Variants in MCPH1 observed in about 807,000 individuals in gnomAD.
The protein encoded by MCPH1 is microcephalin.
A neutral mutation model predicts 84.5 loss-of-function variants in MCPH1; 104 were observed. That is an observed-to-expected ratio of 1.23 (90% CI 1.05 to 1.45). MCPH1 has a LOEUF of 1.45. MCPH1 is among the 40% of genes most tolerant of loss of function. The pLI is 0.00. For missense variants in MCPH1, 1,498 were observed against 1,005.7 expected (o/e 1.49, Z -6.62); for synonymous variants, 514 against 366.8 (o/e 1.40, Z -4.58).
intron 9 of MCPH1, among the ~76,000 whole-genome samples, chr8:6,459,506 C>G (rs1034806015): frequency 6.6e-6 from 1 of 152,094 alleles, no homozygotes; most frequent in Non-Finnish European, 1.5e-5. Flanking sequence ...CTAAAGAAAA[C>G]AAAATCTTGT....
chr8:6,522,885 ATCT>A (rs1817634178), intron 12 of MCPH1, among the ~76,000 whole-genome samples: 1 of 152,188 alleles, frequency 6.6e-6, no homozygotes, highest in Admixed American at 6.5e-5. Flanking sequence ...TGACTCTGAA[ATCT>A]GCTTCTCTCC....
At chr8:6,633,762 G>A (rs933707603) in intron 13 of MCPH1, among the ~76,000 whole-genome samples, 29 of 152,124 alleles carry the variant, frequency 1.9e-4, no homozygotes, top group African/African-American at 6.3e-4. Flanking sequence ...GATACCTCAC[G>A]TGGGGCCGAG....
chr8:6,434,341 A>G (rs572098734), intron 4 of MCPH1, among the ~76,000 whole-genome samples: 1 of 152,288 alleles, frequency 6.6e-6, no homozygotes, highest in African/African-American at 2.4e-5. Flanking sequence ...GCCTCCAGGC[A>G]AATCCTTCAT....
chr8:6,546,184 C>T (rs1822545516), intron 12 of MCPH1, among the ~76,000 whole-genome samples: 1 of 152,186 alleles, frequency 6.6e-6, no homozygotes, highest in South Asian at 2.1e-4. Context: ...AGCACAATTC[C>T]CAAACTGTGT....
intron 11 of MCPH1, among the ~76,000 whole-genome samples, chr8:6,486,048 A>C (rs1809868409): frequency 6.6e-6 from 1 of 152,212 alleles, no homozygotes; most frequent in Admixed American, 6.5e-5. Flanking sequence ...AAATAAATTG[A>C]ATAGTACAAA....
At chr8:6,619,364 C>T (rs776294682) in intron 12 of MCPH1, among the ~76,000 whole-genome samples, 2 of 152,360 alleles carry the variant, frequency 1.3e-5, no homozygotes, top group South Asian at 2.1e-4. Flanking sequence ...CATCTCTGCT[C>T]ACTGCCACCT....
At chr8:6,511,949 G>T (rs1466677135) in intron 12 of MCPH1, among the ~76,000 whole-genome samples, 2 of 147,232 alleles carry the variant, frequency 1.4e-5, no homozygotes, top group African/African-American at 5.0e-5. Context: ...ACTGTTGCCA[G>T]TTGAAAAAAT....
At position 6,444,480 on chromosome 8, in the gene MCPH1, G is replaced by C; in HGVS notation, c.758G>C (p.Gly253Ala). Reference protein sequence around the residue: ...GCGNQERKLEGSINDIKSDVC... With the variant: ...GCGNQERKLEASINDIKSDVC... ...GGAAATCAGGAAAGGAAGTTGGAAG[G>C]ATCCATTAATGACATTAAAAGTGAT... Residue 253 changes from glycine (G) to alanine (A), a missense_variant, in exon 8 of 14, where the codon GGA (glycine) becomes GCA (alanine). Physicochemically the swap from Gly to Ala is moderately conservative, Grantham distance 60. Transcript: ENST00000344683. The C allele has an allele frequency of 1.9e-6, 3 of 1,614,144 alleles. No homozygotes were observed. The highest frequency in any genetic ancestry group is 8.5e-7 in the Non-Finnish European group (1 of 1,180,020).
intron 12 of MCPH1, among the ~76,000 whole-genome samples, chr8:6,553,784 G>C (rs1032016662): frequency 6.6e-6 from 1 of 152,062 alleles, no homozygotes; most frequent in Non-Finnish European, 1.5e-5. Context: ...GACTTCTTGA[G>C]CAGAAAAGCG....
intron 12 of MCPH1, among the ~76,000 whole-genome samples, chr8:6,611,130 T>TCACA (rs138053875): frequency 0.019 from 2,861 of 149,820 alleles, 34 homozygotes; most frequent in Middle Eastern, 0.049. Flanking sequence ...ACACACACAC[T>TCACA]CACACACACA....
In MCPH1 at chr8:6,445,421, A is replaced by C; in HGVS notation, c.1699A>C (p.Thr567Pro). Reference sequence around the variant, plus strand: ...GAAAAGCACACAGAACAAAGGTACCACTTCCAAAATATCAAACTCCTCTGA... The same window carrying C: ...GAAAAGCACACAGAACAAAGGTACCCCTTCCAAAATATCAAACTCCTCTGA... Reference protein sequence around the residue: ...GLKSTQNKGTTSKISNSSEGE... With the variant: ...GLKSTQNKGTPSKISNSSEGE... The change falls in exon 8 of 14, where the codon ACT becomes CCT. Residue 567 changes from threonine to proline, a missense_variant. Transcript: ENST00000344683. The C allele has an allele frequency of 6.2e-7, 1 of 1,614,256 alleles. No homozygotes were observed. The highest frequency in any genetic ancestry group is 8.5e-7 in the Non-Finnish European group (1 of 1,180,046).
At chr8:6,538,650 T>C (rs1294629346) in intron 12 of MCPH1, among the ~76,000 whole-genome samples, 1 of 152,162 alleles carries the variant, frequency 6.6e-6, no homozygotes, top group African/African-American at 2.4e-5. Flanking sequence ...CCATCCCCCA[T>C]TGCATGCCCT....
chr8:6,552,035 C>G (rs374194801), intron 12 of MCPH1, among the ~76,000 whole-genome samples: 2 of 152,108 alleles, frequency 1.3e-5, no homozygotes, highest in African/African-American at 4.8e-5. Context: ...TCTGTTGATT[C>G]CAGAAATTAT....
At position 6,643,513 on chromosome 8, in the gene MCPH1, G is replaced by C. The variant is rs941359357; in HGVS notation, c.*464G>C. On this transcript the variant is annotated 3_prime_UTR_variant, in exon 14 of 14. Coordinates refer to ENST00000344683, the MANE Select transcript of MCPH1 (RefSeq NM_024596.5). ...CGCCTGAGCTCAGGTGATCTGTCAG[G>C]CCTCTTCTATAGAATTCCAGTCTTT... 2.0e-5 allele frequency: 4 copies of C among 201,014 alleles called. No homozygotes were observed. The highest frequency in any genetic ancestry group is 4.7e-5 in the African/African-American group (2 of 42,378). 12.5% of individuals were successfully genotyped at this position (201,014 alleles called of 1,614,324 possible).
At chr8:6,623,910 C>T (rs1019576064) in intron 13 of MCPH1, among the ~76,000 whole-genome samples, 4 of 152,150 alleles carry the variant, frequency 2.6e-5, no homozygotes, top group South Asian at 4.1e-4. Context: ...GGCCAGCTGA[C>T]GGAACTGTGC....
intron 1 of MCPH1, among the ~76,000 whole-genome samples, chr8:6,407,907 A>T (rs1241382625): frequency 1.3e-5 from 2 of 152,220 alleles, no homozygotes; most frequent in African/African-American, 2.4e-5. Context: ...ATGAAAAATT[A>T]TATCACATTC....
At chr8:6,428,655 G>C (rs1335623876) in intron 3 of MCPH1, among the ~76,000 whole-genome samples, 1 of 152,036 alleles carries the variant, frequency 6.6e-6, no homozygotes, top group Non-Finnish European at 1.5e-5. Flanking sequence ...TTAGCATAAT[G>C]TTTTCAAGGT....
Position 6,644,029 on chromosome 8 carries a change from T to A in MCPH1, c.*980T>A, listed in dbSNP as rs1798093446. ...CCTTTGGGAGGCTGAGGTGGACAGA[T>A]CACTTGAGGTCAGGAGTTCGAGACC... On this transcript the variant is annotated 3_prime_UTR_variant, in exon 14 of 14. Transcript: ENST00000344683. The A allele has an allele frequency of 6.6e-6, 1 of 152,210 alleles. No homozygotes were observed. Among genetic ancestry groups the A allele is most frequent in the South Asian group, 2.1e-4 (1 of 4,830 alleles). The allele number at this position is 152,210 out of a possible 1,614,324, so 9.4% of individuals were successfully genotyped here.
At chr8:6,537,183 C>T (rs919670102) in intron 12 of MCPH1, among the ~76,000 whole-genome samples, 1 of 152,016 alleles carries the variant, frequency 6.6e-6, no homozygotes, top group East Asian at 1.9e-4. Context: ...ATTCATGTTT[C>T]GCAGGAATGT....
Sources: gnomAD v4.1 joint callset for allele counts (sites outside exome capture counted in the v4.1 genomes callset) on GRCh38, gnomAD v4.1.1 for gene constraint, MANE v1.5 for transcripts, NCBI Gene and HGNC (gene_info 2026-07-23, HGNC 2026-07-21) for gene names.